CROCC: variants seen among roughly 807,000 people sequenced by gnomAD.
CROCC encodes the protein ciliary rootlet coiled-coil, rootletin.
CROCC carries 180 observed loss-of-function variants against 245.2 expected under a neutral mutation model. The observed-to-expected ratio is 0.73, with a 90% CI of 0.65 to 0.83. The LOEUF (loss-of-function observed/expected upper bound fraction) is 0.83. CROCC is among the 40% of genes least tolerant of loss of function. CROCC has a pLI of 0.00. For missense variants in CROCC, 2,688 were observed against 2,779.4 expected, an observed-to-expected ratio of 0.97 and a Z score of 0.74; for synonymous variants, 1,205 against 1,241.6, an observed-to-expected ratio of 0.97 and a Z score of 0.62.
At chr1:16,948,215 C>G in intron 17 of CROCC, 116 bp from the exon 18 acceptor site, 1 of 1,434,904 alleles carries the variant, frequency 7.0e-7, no homozygotes, top group Non-Finnish European at 9.1e-7. Flanking sequence ...AGGGCAGACC[C>G]TGGGCTCAAA....
intron 11 of CROCC, 24 bp from the exon 12 acceptor site, chr1:16,938,885 T>C: frequency 1.9e-6 from 3 of 1,602,636 alleles, no homozygotes; most frequent in South Asian, 1.1e-5. Flanking sequence ...GCAGCCTCCT[T>C]CTGCCTCCCT....
At chr1:16,967,791 T>C (rs1421098902) in intron 30 of CROCC, among the ~76,000 whole-genome samples, 2 of 152,086 alleles carry the variant, frequency 1.3e-5, no homozygotes, top group African/African-American at 2.4e-5. Flanking sequence ...ACTGTCCGGC[T>C]CAGCTCAGTT....
intron 8 of CROCC, 44 bp from the exon 9 acceptor site, chr1:16,936,593 G>A (rs1442345133): frequency 2.0e-6 from 3 of 1,506,914 alleles, no homozygotes; most frequent in African/African-American, 1.4e-5. Flanking sequence ...ATTTGTAGTT[G>A]GGAGCAAGCC....
chr1:16,966,060 G>T lies in CROCC; in HGVS notation c.4637G>T (p.Arg1546Met). ...CAGCTGGCCGAGATGGAGGCTGAGA[G>T]GGACAGCGCAACCTCGAGGGCCAGG... is the stretch of plus-strand genomic sequence containing the variant. ...NRQLAEMEAERDSATSRARQL... is the reference protein window; with the variant it reads ...NRQLAEMEAEMDSATSRARQL... Residue 1546 changes from arginine to methionine, a missense_variant, in exon 29 of 37, where the codon AGG becomes ATG. Coordinates refer to ENST00000375541, the MANE Select transcript of CROCC (RefSeq NM_014675.5). This position sits in a 1 kb window ranked among gnomAD's most constrained non-coding sequence, Gnocchi z 4.8. 5 of 1,613,970 alleles carry T rather than the reference G, an allele frequency of 3.1e-6. No individual in the cohort carries two copies. The highest frequency in any genetic ancestry group is 4.2e-6 in the Non-Finnish European group (5 of 1,179,856).
At chr1:16,958,503 A>G (rs1213077693) in intron 25 of CROCC, 80 bp from the exon 26 acceptor site, 9 of 1,492,234 alleles carry the variant, frequency 6.0e-6, no homozygotes, top group Non-Finnish European at 7.2e-6. Flanking sequence ...CTACAGCAGT[A>G]GGTACCAAGT....
intron 10 of CROCC, 137 bp from the exon 11 acceptor site, chr1:16,938,263 G>GGCCTAGGGCCATA: frequency 4.0e-6 from 3 of 741,306 alleles, no homozygotes; most frequent in Non-Finnish European, 6.7e-6. Flanking sequence ...GCCTGCTGTG[G>GGCCTAGGGCCATA]GGTCTACCAG....
chr1:16,936,795 G>T lies in CROCC; in HGVS notation c.1115G>T (p.Arg372Leu), dbSNP rs57442576. The change falls in exon 9 of 37, where the codon CGG becomes CTG. Residue 372 changes from arginine to leucine, a missense_variant. Arg to Leu is a moderately radical substitution (Grantham distance 102, BLOSUM62 -2). This residue lies in a region of CROCC where 972 missense variants were observed against 895.3 expected (regional missense o/e 1.09). Coordinates refer to ENST00000375541, the MANE Select transcript of CROCC (RefSeq NM_014675.5). Reference sequence around the variant, plus strand: ...CAGGCCCAGCTGGAGGAGCAGCTGCGGGACAAGGTGCTCCGCGAGAAGGAC... The same window carrying T: ...CAGGCCCAGCTGGAGGAGCAGCTGCTGGACAAGGTGCTCCGCGAGAAGGAC... ...LLQAQLEEQL[R>L]DKVLREKDLA... The T allele has an allele frequency of 2.5e-6, 4 of 1,609,680 alleles. No homozygotes were observed. The Admixed American group carries it at 6.7e-5, about 27-fold the overall frequency.
Position 16,930,544 on chromosome 1 carries a change from T to A in CROCC, c.799T>A (p.Cys267Ser), listed in dbSNP as rs199649355. The A allele has an allele frequency of 8.8e-5, 142 of 1,611,576 alleles. No individual in the cohort carries two copies. The East Asian group carries it at 1.8e-3, about 20-fold the overall frequency. ...IRKVTNDWTR[C>S]RKELEHREAA... ...AAAGGTGACCAATGACTGGACACGC[T>A]GCCGCAAGGAGCTGGAGCACCGGGA... The change falls in exon 7 of 37, where the codon TGC (cysteine) becomes AGC (serine). Residue 267 changes from cysteine to serine, a missense_variant. Physicochemically the swap from Cys to Ser is moderately radical, Grantham distance 112. Around this residue, in one of 9 missense-constraint regions of CROCC, gnomAD observed 972 missense variants for 895.3 expected, o/e 1.09. Transcript: ENST00000375541.
chr1:16,960,744 T>C lies in CROCC; in HGVS notation c.4033-14T>C. On this transcript the variant is annotated splice_polypyrimidine_tract_variant and intron_variant, in intron 26 of 36. Coordinates refer to ENST00000375541, the MANE Select transcript of CROCC (RefSeq NM_014675.5). ...AGAGGTCTTGCCGACCTCCACCTCC[T>C]GGCATCACTCCAGCTCCAGGTAGCC... The C allele has an allele frequency of 6.6e-7, 1 of 1,503,826 alleles. No individual in the cohort carries two copies. Among genetic ancestry groups the C allele is most frequent in the Non-Finnish European group, 8.9e-7 (1 of 1,129,904 alleles). The allele number at this position is 1,503,826 out of a possible 1,614,324, so 93.2% of individuals were successfully genotyped here. A position where few individuals can be genotyped will look rare whatever the true frequency, so the allele number is the denominator to read the frequency against.
rs556927865 is a variant in CROCC at position 16,961,136 on chromosome 1, G to A, written c.4405+6G>A. 1.5e-6 allele frequency: 2 copies of A among 1,319,572 alleles called. No homozygotes were observed. Among genetic ancestry groups the A allele is most frequent in the East Asian group, 3.1e-5 (1 of 31,810 alleles). The allele number at this position is 1,319,572 out of a possible 1,614,324, so 81.7% of individuals were successfully genotyped here. A position where few individuals can be genotyped will look rare whatever the true frequency, so the allele number is the denominator to read the frequency against. On this transcript the variant is annotated splice_donor_region_variant and intron_variant, in intron 27 of 36. Transcript: ENST00000375541. ...CCGGGACGCACCCGCAGAAGGTAAGGGCAGTGCCGCGCGCAGGGAAGGGGG... is the reference window on the plus strand; with the variant it reads ...CCGGGACGCACCCGCAGAAGGTAAGAGCAGTGCCGCGCGCAGGGAAGGGGG...
intron 27 of CROCC, among the ~76,000 whole-genome samples, chr1:16,962,637 G>A (rs573511821): frequency 4.2e-4 from 63 of 149,940 alleles, no homozygotes; most frequent in African/African-American, 1.5e-3. Flanking sequence ...GCCTCCCAAA[G>A]TGCTGGGATT....
rs949485700 is a variant in CROCC at position 16,958,592 on chromosome 1, C to G, written c.3874C>G (p.Leu1292Val). The G allele has an allele frequency of 3.2e-6, 5 of 1,552,384 alleles. No homozygotes were observed. The highest frequency in any genetic ancestry group is 3.5e-6 in the Non-Finnish European group (4 of 1,148,360). The change falls in exon 26 of 37, where the codon CTG (leucine) becomes GTG (valine). Residue 1292 changes from leucine (L) to valine (V), a missense_variant. Leu to Val is a conservative substitution (Grantham distance 32). Coordinates refer to ENST00000375541, the MANE Select transcript of CROCC (RefSeq NM_014675.5). ...LQELRRQMKM[L>V]DSENTRLGRE... ...TCCCGTGCTCTCACAGATGAAGATG[C>G]TGGACAGTGAGAACACCAGACTGGG... is the stretch of plus-strand genomic sequence containing the variant.
At chr1:16,920,114 G>C (rs1163813293), upstream of CROCC, among the ~76,000 whole-genome samples, 4 of 151,390 alleles carry the variant, frequency 2.6e-5, no homozygotes, top group East Asian at 7.7e-4. Flanking sequence ...GAGTCTTACT[G>C]TGTCGCCAGG....
chr1:16,922,137 A>T (rs2075421609), intron 1 of CROCC, 59 bp downstream of exon 1: 2 of 1,433,586 alleles, frequency 1.4e-6, no homozygotes, highest in Admixed American at 2.3e-5. Flanking sequence ...ACTTAACAGG[A>T]GTGGTGAGAG....
intron 2 of CROCC, among the ~76,000 whole-genome samples, chr1:16,923,247 G>A (rs575352794): frequency 3.3e-3 from 499 of 152,138 alleles, no homozygotes; most frequent in African/African-American, 0.011. Context: ...TGGCGCACAC[G>A]GTGTAGTTAT....
chr1:16,938,275 TG>T lies in CROCC; in HGVS notation c.1291-123del, dbSNP rs1424861828. ...CGGGCCTGCTGTGGGGTCTACCAGG[TG>T]GCTGGCCTATGGACATGGCTTCAGA... On this transcript the variant is annotated intron_variant, in intron 10 of 36. Coordinates refer to ENST00000375541, the MANE Select transcript of CROCC (RefSeq NM_014675.5). 2.2e-5 allele frequency: 18 copies of T among 830,950 alleles called. No individual in the cohort carries two copies. In the African/African-American group the frequency reaches 3.0e-4, roughly 14 times the overall value. 51.5% of individuals were successfully genotyped at this position (830,950 alleles called of 1,614,324 possible).
rs2076413185 is a variant in CROCC at position 16,966,085 on chromosome 1, G to T, written c.4662G>T (p.Arg1554Ser). 2 of 1,613,372 alleles carry T rather than the reference G, an allele frequency of 1.2e-6. No individual in the cohort carries two copies. The highest frequency in any genetic ancestry group is 4.5e-5 in the East Asian group (2 of 44,876). The change falls in exon 29 of 37, where the codon AGG becomes AGT. Residue 1554 changes from arginine (R) to serine (S), a missense_variant. Transcript: ENST00000375541. This position sits in a 1 kb window ranked among gnomAD's most constrained non-coding sequence, Gnocchi z 4.8. ...GGGACAGCGCAACCTCGAGGGCCAGGCAGCTGCAGAAGGCGGTGGCTGAGA... is the reference window on the plus strand; with the variant it reads ...GGGACAGCGCAACCTCGAGGGCCAGTCAGCTGCAGAAGGCGGTGGCTGAGA... ...AERDSATSRA[R>S]QLQKAVAESE... is the part of the protein sequence containing the mutation.
At position 16,970,310 on chromosome 1, in the gene CROCC, C is replaced by G. The variant is rs757508990; in HGVS notation, c.5509C>G (p.Gln1837Glu). 4 of 1,586,716 alleles carry G rather than the reference C, an allele frequency of 2.5e-6. No individual in the cohort carries two copies. Among genetic ancestry groups the G allele is most frequent in the Non-Finnish European group, 3.4e-6 (4 of 1,167,756 alleles). ...AAALNTVQKL[Q>E]DERRLLQERL... ...AGCCCTGAACACCGTCCAGAAGCTG[C>G]AAGACGAGCGGCGGCTGCTGCAGGA... Residue 1837 changes from glutamine to glutamate, a missense_variant, in exon 34 of 37, where the codon CAA becomes GAA. Gln to Glu is a conservative substitution (Grantham distance 29). Transcript: ENST00000375541.
rs746904399 is a variant in CROCC, at chr1:16,946,877, G to A, written c.2400G>A (p.Ala800=). 36 of 1,560,894 alleles carry A rather than the reference G, an allele frequency of 2.3e-5. No homozygotes were observed. Among genetic ancestry groups the A allele is most frequent in the Admixed American group, 7.7e-5 (4 of 51,886 alleles). Reference sequence around the variant, plus strand: ...AGCTGCGGTTGGAGCAGGAGGTGGCGCGGCAGGGCCTGGAGGGCTCCCTAC... The same window carrying A: ...AGCTGCGGTTGGAGCAGGAGGTGGCACGGCAGGGCCTGGAGGGCTCCCTAC... ...LEELRLEQEV[A]RQGLEGSLRV... The change falls in exon 17 of 37, where the codon GCG becomes GCA. Residue 800 remains alanine, a synonymous_variant. Transcript: ENST00000375541.
Sources: gnomAD v4.1 joint callset for allele counts (sites outside exome capture counted in the v4.1 genomes callset) on GRCh38, gnomAD v4.1.1 for gene constraint, gnomAD v4.1.1 regional missense constraint, Gnocchi (gnomAD v3.1) non-coding constraint, MANE v1.5 for transcripts, NCBI Gene and HGNC (gene_info 2026-07-23, HGNC 2026-07-21) for gene names.